Variants in ADGRL2 observed in about 807,000 individuals in gnomAD.
ADGRL2 encodes calcium-independent alpha-latrotoxin receptor 2.
In ADGRL2, 44 loss-of-function variants were observed where a neutral mutation model predicts 157.4. The ratio of observed to expected loss-of-function variants is 0.28; its 90% CI spans 0.22 to 0.36. The LOEUF (loss-of-function observed/expected upper bound fraction) is 0.36, where lower values mean the gene tolerates loss of function less well. Ranked by LOEUF, ADGRL2 falls within the 10% of genes least tolerant of loss-of-function variation. The pLI is 1.00. For missense variants in ADGRL2, 1,510 were observed against 1,768.9 expected (o/e 0.85, Z 2.63); for synonymous variants, 585 against 624.7 (o/e 0.94, Z 0.95).
At chr1:81,747,041 T>C (rs1357818331) in intron 1 of ADGRL2, among the ~76,000 whole-genome samples, 2 of 147,104 alleles carry the variant, frequency 1.4e-5, no homozygotes, top group South Asian at 2.1e-4. Context: ...TACGTATATA[T>C]ATGTATATAC....
At chr1:81,716,483 G>T (rs1204170871) in intron 1 of ADGRL2, among the ~76,000 whole-genome samples, 1 of 152,040 alleles carries the variant, frequency 6.6e-6, no homozygotes, top group African/African-American at 2.4e-5. Context: ...TTTATTCTCA[G>T]AAATTACATT....
intron 1 of ADGRL2, among the ~76,000 whole-genome samples, chr1:81,339,264 T>C (rs1661882653): frequency 6.6e-6 from 1 of 152,210 alleles, no homozygotes; most frequent in African/African-American, 2.4e-5. Context: ...AGGAAACAGC[T>C]TAAGGTTAGA....
chr1:81,867,461 A>G lies in ADGRL2; in HGVS notation c.73+30404A>G, dbSNP rs1000648722. 2.0e-5 allele frequency among the ~76,000 whole-genome samples: 3 copies of G among 152,348 alleles called. No homozygotes were observed. The East Asian group carries it at 5.8e-4, about 29-fold the overall frequency. ...CTTTTCAGATTTGTATCAGCAAGTC[A>G]GAAGTTAGGAGGCAGCTCTACTGAT... On this transcript the variant is annotated intron_variant, in intron 2 of 23. Transcript: ENST00000686636.
chr1:81,310,031 G>C (rs1284884817), intron 1 of ADGRL2, among the ~76,000 whole-genome samples: 1 of 152,016 alleles, frequency 6.6e-6, no homozygotes, highest in East Asian at 1.9e-4. Flanking sequence ...AAATATTCTG[G>C]GTAGTAGTGG....
At chr1:81,979,425 GTTA>G (rs754903931) in intron 17 of ADGRL2, among the ~76,000 whole-genome samples, 6 of 151,820 alleles carry the variant, frequency 4.0e-5, no homozygotes, top group Non-Finnish European at 7.4e-5. Flanking sequence ...TTGGACAGAT[GTTA>G]TTATCCTCAT....
chr1:81,955,275 C>G (rs1435208070), intron 10 of ADGRL2, among the ~76,000 whole-genome samples: 3 of 151,624 alleles, frequency 2.0e-5, no homozygotes, highest in Non-Finnish European at 4.4e-5. Context: ...TGTTTTTTAG[C>G]TGGACAGAGA....
chr1:81,710,869 T>C (rs1404631542), intron 1 of ADGRL2, among the ~76,000 whole-genome samples: 1 of 151,832 alleles, frequency 6.6e-6, no homozygotes, highest in Non-Finnish European at 1.5e-5. Flanking sequence ...TAAAGGTTAG[T>C]TGCAAGGTGG....
intron 1 of ADGRL2, among the ~76,000 whole-genome samples, chr1:81,353,849 C>T (rs74093349): frequency 1.3e-4 from 20 of 152,134 alleles, no homozygotes; most frequent in South Asian, 4.1e-4. Flanking sequence ...CAGTCACCAG[C>T]GAGCTAAAGG....
At chr1:81,743,261 CTTGT>C (rs1035157127) in intron 1 of ADGRL2, among the ~76,000 whole-genome samples, 9 of 151,884 alleles carry the variant, frequency 5.9e-5, no homozygotes, top group African/African-American at 2.2e-4. Context: ...ATGGAGAGGG[CTTGT>C]TTGTCTAGAG....
chr1:81,641,674 G>C (rs1401608577), intron 3 of ADGRL2, among the ~76,000 whole-genome samples: 1 of 152,130 alleles, frequency 6.6e-6, no homozygotes, highest in Non-Finnish European at 1.5e-5. Context: ...GGGATGCAGA[G>C]AAAGTAGTGC....
chr1:81,364,386 A>G (rs2076028582), intron 1 of ADGRL2, among the ~76,000 whole-genome samples: 1 of 152,210 alleles, frequency 6.6e-6, no homozygotes, highest in Admixed American at 6.5e-5. Flanking sequence ...AGACAGAGAA[A>G]GAGTGAAAAC....
upstream of ADGRL2, among the ~76,000 whole-genome samples, chr1:81,795,995 G>GT (rs1236418810): frequency 7.2e-5 from 11 of 152,176 alleles, no homozygotes; most frequent in Middle Eastern, 0.017. Flanking sequence ...GTTTTGTTTT[G>GT]TTTTTTGAGA....
chr1:81,667,571 C>CT (rs1467596805), intron 3 of ADGRL2, among the ~76,000 whole-genome samples: 1 of 152,084 alleles, frequency 6.6e-6, no homozygotes, highest in East Asian at 1.9e-4. Context: ...ATACTTTGTA[C>CT]TTTTTATCTT....
rs567255196 is a variant in ADGRL2, at chr1:81,853,353, G to T, written c.73+16296G>T. ...AGGAATACCTAGCAGGACAATGTAC[G>T]ACTGCAGGTGCTTATGTGGCAAGAG... On this transcript the variant is annotated intron_variant, in intron 2 of 23. Coordinates refer to ENST00000686636, the MANE Select transcript of ADGRL2 (RefSeq NM_001366006.2). Among the ~76,000 whole-genome samples, 20 of 152,212 alleles carry T rather than the reference G, an allele frequency of 1.3e-4. No individual in the cohort carries two copies. In the South Asian group the frequency reaches 3.7e-3, roughly 28 times the overall value.
chr1:81,898,122 CA>C (rs1156437396), intron 2 of ADGRL2, among the ~76,000 whole-genome samples: 2 of 151,876 alleles, frequency 1.3e-5, no homozygotes, highest in Non-Finnish European at 2.9e-5. Flanking sequence ...AGCAGACAAA[CA>C]AAAAAACAGC....
At chr1:81,809,756 T>TATATAGTCTGTATAA (rs774002347) in intron 1 of ADGRL2, among the ~76,000 whole-genome samples, 226 of 152,138 alleles carry the variant, frequency 1.5e-3, no homozygotes, top group Non-Finnish European at 2.8e-3. Flanking sequence ...TATATATCAA[T>TATATAGTCTGTATAA]ACTTGTTGTT....
chr1:81,635,486 A>G (rs2082097884), intron 3 of ADGRL2, among the ~76,000 whole-genome samples: 2 of 152,198 alleles, frequency 1.3e-5, no homozygotes, highest in South Asian at 4.1e-4. Context: ...GTAAGCTTAT[A>G]AACAAGAGAA....
At chr1:81,955,623 A>G (rs538964666) in intron 10 of ADGRL2, 2 of 308,476 alleles carry the variant, frequency 6.5e-6, no homozygotes, top group Admixed American at 1.0e-4. Flanking sequence ...TTAAATAAAT[A>G]GAAACAATCC....
chr1:81,562,656 T>C (rs939675213), intron 2 of ADGRL2, among the ~76,000 whole-genome samples: 2 of 152,078 alleles, frequency 1.3e-5, no homozygotes, highest in Non-Finnish European at 2.9e-5. Context: ...GCAAATTTAA[T>C]TTTTATTTTT....
Sources: gnomAD v4.1 joint callset for allele counts (sites outside exome capture counted in the v4.1 genomes callset) on GRCh38, gnomAD v4.1.1 for gene constraint, MANE v1.5 for transcripts, NCBI Gene and HGNC (gene_info 2026-07-23, HGNC 2026-07-21) for gene names.